The following PCDH15 variants were observed in gnomAD, a reference collection of about 807,000 sequenced individuals.
The protein encoded by PCDH15 is protocadherin related 15, also known as protocadherin-15.
A neutral mutation model predicts 178.5 loss-of-function variants in PCDH15; 129 were observed. The observed-to-expected ratio is 0.72, with a 90% CI of 0.63 to 0.84. The LOEUF is 0.84. Ranked by LOEUF, PCDH15 falls within the 40% of genes least tolerant of loss-of-function variation. The pLI is 0.00. For synonymous variants in PCDH15, 800 were observed against 732.0 expected, an observed-to-expected ratio of 1.09 and a Z score of -1.50; for missense variants, 2,230 against 2,099.9, an observed-to-expected ratio of 1.06 and a Z score of -1.21.
At chr10:54,683,457 G>T (rs1335601322) in intron 1 of PCDH15, among the ~76,000 whole-genome samples, 1 of 152,044 alleles carries the variant, frequency 6.6e-6, no homozygotes, top group Non-Finnish European at 1.5e-5. Flanking sequence ...GCTTTCAATG[G>T]ACAAGCATTT....
At chr10:54,508,516 C>T (rs530459964) in intron 3 of PCDH15, among the ~76,000 whole-genome samples, 18 of 152,188 alleles carry the variant, frequency 1.2e-4, no homozygotes, top group African/African-American at 4.3e-4. Context: ...CATAGCCTAC[C>T]TTAAATGTGC....
intron 9 of PCDH15, among the ~76,000 whole-genome samples, chr10:54,235,262 CTTA>C (rs1466380204): frequency 6.6e-6 from 1 of 152,190 alleles, no homozygotes; most frequent in African/African-American, 2.4e-5. Flanking sequence ...TAAACACTTA[CTTA>C]TTATAGTAAA....
intron 1 of PCDH15, among the ~76,000 whole-genome samples, chr10:55,217,224 G>A (rs1000963948): frequency 6.6e-6 from 1 of 151,818 alleles, no homozygotes; most frequent in Non-Finnish European, 1.5e-5. Context: ...TTGTGAGACA[G>A]TTTTCTAATG....
At chr10:54,374,941 T>A (rs1021346158) in intron 4 of PCDH15, among the ~76,000 whole-genome samples, 3 of 152,126 alleles carry the variant, frequency 2.0e-5, no homozygotes, top group Non-Finnish European at 2.9e-5. Flanking sequence ...CTGTCTATAT[T>A]GTTTGCTTTT....
chr10:54,400,374 C>T (rs190046838), intron 3 of PCDH15, among the ~76,000 whole-genome samples: 29 of 152,104 alleles, frequency 1.9e-4, no homozygotes, highest in Non-Finnish European at 3.2e-4. Flanking sequence ...AGAAAATAAA[C>T]GGATAAAGCT....
chr10:54,514,262 C>T (rs2137878795), intron 3 of PCDH15, among the ~76,000 whole-genome samples: 1 of 152,166 alleles, frequency 6.6e-6, no homozygotes, highest in Non-Finnish European at 1.5e-5. Flanking sequence ...AAATTAATCT[C>T]TGATTCCTTC....
intron 2 of PCDH15, among the ~76,000 whole-genome samples, chr10:55,037,316 C>T (rs1423364140): frequency 6.6e-6 from 1 of 152,012 alleles, no homozygotes; most frequent in Non-Finnish European, 1.5e-5. Flanking sequence ...TCACTGCAAC[C>T]TCTGCCTCCC....
chr10:55,357,094 A>G (rs570799432), intron 2 of PCDH15, among the ~76,000 whole-genome samples: 1 of 152,090 alleles, frequency 6.6e-6, no homozygotes, highest in African/African-American at 2.4e-5. Context: ...ACATAGCAAC[A>G]AGTACAAATG....
At chr10:54,868,213 T>C (rs554831406) in intron 3 of PCDH15, among the ~76,000 whole-genome samples, 1 of 152,310 alleles carries the variant, frequency 6.6e-6, no homozygotes, top group Admixed American at 6.5e-5. Context: ...TCTTCATCCA[T>C]GTTCCACAAA....
At chr10:54,559,867 AAAAAAAAGAAAAG>A (rs1488978881) in intron 2 of PCDH15, among the ~76,000 whole-genome samples, 649 of 56,906 alleles carry the variant, frequency 0.011, 6 homozygotes, top group African/African-American at 0.026. Context: ...AAAAAAAAAA[AAAAAAAAGAAAAG>A]AAAAGGTGGT....
In PCDH15 at chr10:54,830,773, C is replaced by CA. The variant is rs537769524; in HGVS notation, c.-29+66676dup. Among the ~76,000 whole-genome samples the CA allele has an allele frequency of 3.9e-4, 58 of 149,124 alleles. 1 individual carries two copies. In the South Asian group the frequency reaches 7.3e-3, roughly 19 times the overall value. Reference sequence around the variant, plus strand: ...AAAGGAAACCTCATATTCCAAAAAGCAAAAAAAAGAAGAAAAAATGTTAAA... The same window carrying CA: ...AAAGGAAACCTCATATTCCAAAAAGCAAAAAAAAAGAAGAAAAAATGTTAAA... On this transcript the variant is annotated intron_variant, in intron 3 of 5. Coordinates refer to the PCDH15 transcript ENST00000458638.
intron 3 of PCDH15, among the ~76,000 whole-genome samples, chr10:54,414,421 G>A (rs565295974): frequency 2.1e-4 from 32 of 152,124 alleles, no homozygotes; most frequent in Non-Finnish European, 3.5e-4. Flanking sequence ...TAAAAAGAAA[G>A]TTATTAAGAC....
chr10:54,338,871 A>G (rs1236238833), intron 6 of PCDH15, among the ~76,000 whole-genome samples: 1 of 146,006 alleles, frequency 6.8e-6, no homozygotes, highest in Non-Finnish European at 1.5e-5. Context: ...ATTAAAATAA[A>G]AAAAAAGATC....
chr10:54,356,991 G>A (rs1197731577), intron 5 of PCDH15, among the ~76,000 whole-genome samples: 1 of 151,988 alleles, frequency 6.6e-6, no homozygotes, highest in Non-Finnish European at 1.5e-5. Context: ...CAATAAATTA[G>A]GTATTGATGG....
intron 20 of PCDH15, among the ~76,000 whole-genome samples, chr10:53,998,780 G>C (rs112965944): frequency 6.6e-6 from 1 of 152,140 alleles, no homozygotes; most frequent in South Asian, 2.1e-4. Context: ...GGCTGGGCAC[G>C]GTGGCTCGCA....
chr10:53,806,913 C>T lies in PCDH15; in HGVS notation c.4889G>A (p.Arg1630Gln), dbSNP rs757319626. ...TDNLKVASPVRLGGPFKKLDK... is the reference protein window; with the variant it reads ...TDNLKVASPVQLGGPFKKLDK... ...TAGTTTCTTAAAGGGCCCTCCCAGT[C>T]GAACAGGGGAAGCAACTTTTAAGTT... The change falls in exon 38 of 38, where the codon CGA (arginine) becomes CAA (glutamine). Residue 1630 changes from arginine (R) to glutamine (Q), a missense_variant. Transcript: ENST00000644397. The T allele has an allele frequency of 5.6e-6, 9 of 1,613,838 alleles. No homozygotes were observed. Among genetic ancestry groups the T allele is most frequent in the African/African-American group, 2.7e-5 (2 of 74,992 alleles).
At chr10:55,572,114 G>C (rs1415526660) in intron 2 of PCDH15, among the ~76,000 whole-genome samples, 1 of 151,866 alleles carries the variant, frequency 6.6e-6, no homozygotes, top group African/African-American at 2.4e-5. Context: ...TTTCCACCTT[G>C]GGAAACTGCT....
At chr10:54,010,731 C>CT (rs1304278513) in intron 20 of PCDH15, among the ~76,000 whole-genome samples, 2 of 152,276 alleles carry the variant, frequency 1.3e-5, no homozygotes, top group Non-Finnish European at 2.9e-5. Context: ...TATGCAGGAA[C>CT]TCCAGCACAC....
chr10:54,340,517 C>A (rs554909997), intron 6 of PCDH15, among the ~76,000 whole-genome samples: 9 of 152,230 alleles, frequency 5.9e-5, no homozygotes, highest in Non-Finnish European at 1.0e-4. Flanking sequence ...TGCAGCAACT[C>A]GGTCCTAACC....
Sources: allele counts gnomAD v4.1 joint callset (sites outside exome capture counted in the v4.1 genomes callset), GRCh38; gene constraint gnomAD v4.1.1; transcripts MANE v1.5; gene names NCBI Gene and HGNC (gene_info 2026-07-23, HGNC 2026-07-21).